Variants in SP140L observed in about 807,000 individuals in gnomAD.
SP140L encodes the protein SP140 like nuclear body protein.
Under a neutral mutation model 84.3 loss-of-function variants are expected in SP140L, and 64 were observed. The ratio of observed to expected loss-of-function variants is 0.76; its 90% CI spans 0.62 to 0.94. SP140L has a LOEUF of 0.94. Ranked by LOEUF, SP140L falls within the 40% of genes least tolerant of loss-of-function variation. The pLI is 0.00. For synonymous variants in SP140L, 242 were observed against 236.9 expected, an observed-to-expected ratio of 1.02 and a Z score of -0.20; for missense variants, 628 against 692.5, an observed-to-expected ratio of 0.91 and a Z score of 1.05.
At chr2:230,371,364 G>A (rs1376843557) in intron 6 of SP140L, among the ~76,000 whole-genome samples, 1 of 152,274 alleles carries the variant, frequency 6.6e-6, no homozygotes, top group African/African-American at 2.4e-5. Flanking sequence ...ATTGTCAGGG[G>A]GGAAGACTGC....
At chr2:230,327,362 T>C in intron 1 of SP140L, 61 bp downstream of exon 1, 4 of 1,563,004 alleles carry the variant, frequency 2.6e-6, no homozygotes, top group Non-Finnish European at 3.5e-6. Flanking sequence ...CTTTCATGCC[T>C]GTAGTTCAGT....
At chr2:230,381,697 G>A (rs982771899) in intron 7 of SP140L, among the ~76,000 whole-genome samples, 9 of 143,478 alleles carry the variant, frequency 6.3e-5, no homozygotes, top group African/African-American at 2.4e-4. Context: ...CAAGATAGTG[G>A]GACCCTGTCT....
In SP140L at chr2:230,400,223, C is replaced by T. The variant is rs865941841; in HGVS notation, c.1294C>T (p.Pro432Ser). ...SRVFHEDCHI[P>S]PVESEKTPWN... Reference sequence around the variant, plus strand: ...AGTCTTCCATGAGGACTGCCACATCCCACCTGTGGAAAGTGAGAAGTAAGT... The same window carrying T: ...AGTCTTCCATGAGGACTGCCACATCTCACCTGTGGAAAGTGAGAAGTAAGT... The change falls in exon 15 of 19, where the codon CCA becomes TCA. Residue 432 changes from proline (P) to serine (S), a missense_variant. By Grantham distance (74) the Pro-to-Ser change is moderately conservative. Around this residue, in one of 4 missense-constraint regions of SP140L, gnomAD observed 525 missense variants for 518.4 expected, o/e 1.01. Transcript: ENST00000415673. The T allele has an allele frequency of 6.2e-7, 1 of 1,614,140 alleles. No individual in the cohort carries two copies. Among genetic ancestry groups the T allele is most frequent in the Non-Finnish European group, 8.5e-7 (1 of 1,179,998 alleles).
intron 4 of SP140L, among the ~76,000 whole-genome samples, chr2:230,360,115 A>G (rs1377549231): frequency 1.3e-5 from 2 of 152,062 alleles, no homozygotes; most frequent in Non-Finnish European, 2.9e-5. Context: ...GTTTGATCTC[A>G]ACCCAGTTCT....
chr2:230,388,380 G>C (rs565821402), intron 9 of SP140L, among the ~76,000 whole-genome samples, 179 bp from the exon 10 acceptor site: 1 of 152,152 alleles, frequency 6.6e-6, no homozygotes, highest in African/African-American at 2.4e-5. Flanking sequence ...GAAATATAAA[G>C]TGAACCTAAC....
At chr2:230,402,742 A>T in intron 18 of SP140L, 56 bp from the exon 19 acceptor site, 5 of 1,324,650 alleles carry the variant, frequency 3.8e-6, no homozygotes, top group Non-Finnish European at 5.4e-6. Context: ...GTTGAAAGGT[A>T]TCTAATGACA....
At chr2:230,331,537 C>T (rs1240071776) in intron 2 of SP140L, among the ~76,000 whole-genome samples, 2 of 152,160 alleles carry the variant, frequency 1.3e-5, no homozygotes, top group Non-Finnish European at 2.9e-5. Flanking sequence ...GTTCTGTAAC[C>T]TGTCTTGCTG....
At chr2:230,388,519 G>A in intron 9 of SP140L, 40 bp from the exon 10 acceptor site, 1 of 1,542,308 alleles carries the variant, frequency 6.5e-7, no homozygotes, top group Non-Finnish European at 8.8e-7. Context: ...TAACACAGCT[G>A]CTCATTTGTA....
intron 7 of SP140L, among the ~76,000 whole-genome samples, chr2:230,382,536 TC>T (rs1408650382): frequency 6.6e-6 from 1 of 152,182 alleles, no homozygotes; most frequent in African/African-American, 2.4e-5. Context: ...ACTTAGATCT[TC>T]CATCCACAAA....
At chr2:230,385,430 A>G in intron 9 of SP140L, 126 bp downstream of exon 9, 4 of 783,660 alleles carry the variant, frequency 5.1e-6, no homozygotes, top group Non-Finnish European at 6.0e-6. Context: ...AGTGAAATCT[A>G]AAAAACAGCA....
At chr2:230,340,149 G>C (rs1361331769) in intron 2 of SP140L, among the ~76,000 whole-genome samples, 1 of 151,466 alleles carries the variant, frequency 6.6e-6, no homozygotes, top group African/African-American at 2.4e-5. Context: ...GGTCACTCAG[G>C]ACTTGCTTTA....
At chr2:230,360,304 T>C (rs2060676354) in intron 4 of SP140L, among the ~76,000 whole-genome samples, 1 of 152,178 alleles carries the variant, frequency 6.6e-6, no homozygotes, top group African/African-American at 2.4e-5. Context: ...TGGAGGAAGA[T>C]GGTGAACGGT....
chr2:230,381,184 G>T (rs1466187870), intron 7 of SP140L, among the ~76,000 whole-genome samples: 1 of 152,112 alleles, frequency 6.6e-6, no homozygotes, highest in Non-Finnish European at 1.5e-5. Flanking sequence ...TTACCTCCGA[G>T]GGAGATATTA....
chr2:230,383,478 G>C (rs775620201), intron 7 of SP140L, 32 bp from the exon 8 acceptor site: 1 of 1,561,520 alleles, frequency 6.4e-7, no homozygotes, highest in Non-Finnish European at 8.7e-7. Flanking sequence ...TTATTCCTCT[G>C]TATAATTAAC....
At chr2:230,400,301 G>A (rs1054560156) in intron 15 of SP140L, 59 bp downstream of exon 15, 38 of 1,510,440 alleles carry the variant, frequency 2.5e-5, no homozygotes, top group African/African-American at 6.9e-5. Flanking sequence ...CCTGCCATGC[G>A]CACTCTCCAG....
chr2:230,362,948 A>T (rs562016189), intron 5 of SP140L, among the ~76,000 whole-genome samples: 6 of 152,322 alleles, frequency 3.9e-5, no homozygotes, highest in Admixed American at 1.3e-4. Flanking sequence ...CAGAATCCTC[A>T]TAGAAAGACC....
Position 230,400,145 on chromosome 2 carries a change from T to C in SP140L, c.1216T>C (p.Cys406Arg). Residue 406 changes from cysteine to arginine, a missense_variant, in exon 15 of 19, where the codon TGT (cysteine) becomes CGT (arginine). Around this residue, in one of 4 missense-constraint regions of SP140L, gnomAD observed 525 missense variants for 518.4 expected, o/e 1.01. Transcript: ENST00000415673. ...VDPCMRNLDE[C>R]EVCRDGGELF... ...CTTCTAGATGAGAAACTTGGATGAG[T>C]GTGAGGTGTGCCGGGACGGAGGGGA... The C allele has an allele frequency of 6.2e-7, 1 of 1,614,066 alleles. No individual in the cohort carries two copies.
chr2:230,348,153 A>G (rs745604354), intron 2 of SP140L, among the ~76,000 whole-genome samples: 3 of 152,238 alleles, frequency 2.0e-5, no homozygotes, highest in Non-Finnish European at 2.9e-5. Flanking sequence ...GCACTTTGCC[A>G]GCCTTGGGGA....
Position 230,379,103 on chromosome 2 carries a change from T to G in SP140L, c.638-4407T>G, listed in dbSNP as rs185486903. ...TTTTTTTTCATATTTTTCACTCAAT[T>G]TATGTTAAGCCATCTTGTGCAGCTT... On this transcript the variant is annotated intron_variant, in intron 7 of 18. Coordinates refer to ENST00000415673, the MANE Select transcript of SP140L (RefSeq NM_138402.6). Among the ~76,000 whole-genome samples, 658 of 152,324 alleles carry G rather than the reference T, an allele frequency of 4.3e-3. 1 individual carries two copies. Among genetic ancestry groups the G allele is most frequent in the Non-Finnish European group, 6.6e-3 (447 of 68,020 alleles).
Sources: gnomAD v4.1 joint callset for allele counts (sites outside exome capture counted in the v4.1 genomes callset) on GRCh38, gnomAD v4.1.1 for gene constraint, gnomAD v4.1.1 regional missense constraint, MANE v1.5 for transcripts, NCBI Gene and HGNC (gene_info 2026-07-23, HGNC 2026-07-21) for gene names.